Variants in CGAS observed in about 807,000 individuals in gnomAD.
CGAS encodes the protein cyclic GMP-AMP synthase.
A neutral mutation model predicts 34.0 loss-of-function variants in CGAS; 31 were observed. That is an observed-to-expected ratio of 0.91 (90% CI 0.69 to 1.23). The LOEUF (loss-of-function observed/expected upper bound fraction) is 1.23. Among genes scored for constraint, CGAS ranks in the 50% most tolerant of loss-of-function variants. CGAS has a pLI of 0.00. For missense variants in CGAS, 597 were observed against 657.6 expected (o/e 0.91, Z 1.01); for synonymous variants, 266 against 260.0 (o/e 1.02, Z -0.22).
chr6:73,451,213 C>T (rs1358211112), intron 1 of CGAS, among the ~76,000 whole-genome samples: 1 of 152,044 alleles, frequency 6.6e-6, no homozygotes, highest in Non-Finnish European at 1.5e-5. Flanking sequence ...AGGTCCACAC[C>T]ATCAAACACT....
intron 4 of CGAS, among the ~76,000 whole-genome samples, chr6:73,428,415 G>C (rs1430530893): frequency 3.3e-5 from 5 of 151,956 alleles, no homozygotes; most frequent in Non-Finnish European, 7.4e-5. Flanking sequence ...AATTGTCATG[G>C]CTAGTGCTCA....
rs754108240 is a variant in CGAS at position 73,452,068 on chromosome 6, C to T, written c.114G>A (p.Pro38=). 5.2e-6 allele frequency: 8 copies of T among 1,546,670 alleles called. No homozygotes were observed. The highest frequency in any genetic ancestry group is 1.2e-5 in the South Asian group (1 of 83,576). The change falls in exon 1 of 5, where the codon CCG becomes CCA. Residue 38 remains proline, a synonymous_variant. Transcript: ENST00000370315. The stretch of plus-strand genomic sequence containing the variant: ...TAGGCAGGGCGGCCTCGGGGGCAGC[C>T]GGAGACTCGGTGGGATCCATCGGGG... The part of the protein sequence containing the change: ...RGAPMDPTES[P]AAPEAALPKA...
chr6:73,451,817 C>CG lies in CGAS; in HGVS notation c.364dup (p.Arg122ProfsTer57). ...CGTGGAGCAGCGCGCGCCCCTCTGGCGGCAAGAACCAGCCCTGGAAAGAGC... is the reference window on the plus strand; with the variant it reads ...CGTGGAGCAGCGCGCGCCCCTCTGGCGGGCAAGAACCAGCCCTGGAAAGAGC... On this transcript the variant is annotated frameshift_variant, in exon 1 of 5. Transcript: ENST00000370315. LOFTEE classifies it high-confidence loss of function. 6.4e-7 allele frequency: 1 copy of CG among 1,556,918 alleles called. No homozygotes were observed. Among genetic ancestry groups the CG allele is most frequent in the Non-Finnish European group, 8.7e-7 (1 of 1,151,564 alleles).
chr6:73,435,013 A>C (rs1770258512), intron 3 of CGAS, among the ~76,000 whole-genome samples: 2 of 152,236 alleles, frequency 1.3e-5, no homozygotes, highest in East Asian at 1.9e-4. Flanking sequence ...GTATTGTATT[A>C]ATGTGAGATA....
intron 1 of CGAS, among the ~76,000 whole-genome samples, chr6:73,450,281 G>T (rs925269887): frequency 1.3e-5 from 2 of 151,890 alleles, no homozygotes; most frequent in Non-Finnish European, 2.9e-5. Flanking sequence ...CCAGGGTGGA[G>T]GCTCATGCTT....
chr6:73,442,151 G>C (rs1369416366), intron 2 of CGAS, among the ~76,000 whole-genome samples: 1 of 152,114 alleles, frequency 6.6e-6, no homozygotes, highest in African/African-American at 2.4e-5. Context: ...AGGGTTACAA[G>C]TGTGAGCCAC....
chr6:73,434,002 G>A (rs1015282531), intron 3 of CGAS, among the ~76,000 whole-genome samples: 2 of 152,114 alleles, frequency 1.3e-5, no homozygotes, highest in African/African-American at 2.4e-5. Context: ...GAATGTAAAG[G>A]GTCAAGACTC....
At position 73,441,064 on chromosome 6, in the gene CGAS, T is replaced by C. The variant is rs1340531456; in HGVS notation, c.878-619A>G. The stretch of plus-strand genomic sequence containing the variant: ...AATTTTCTTCTTTTCTTTTCTTTTC[T>C]TTTTTCTTTTTCTTTTTCTTTTTTT... On this transcript the variant is annotated intron_variant, in intron 2 of 4. Transcript: ENST00000370315. Among the ~76,000 whole-genome samples the C allele has an allele frequency of 4.0e-5, 6 of 151,508 alleles. 1 individual carries two copies. The highest frequency in any genetic ancestry group is 5.9e-5 in the Non-Finnish European group (4 of 67,930).
At chr6:73,440,137 T>A in intron 3 of CGAS, 72 bp downstream of exon 3, 1 of 1,365,478 alleles carries the variant, frequency 7.3e-7, no homozygotes, top group Non-Finnish European at 1.0e-6. Flanking sequence ...TGGCTGTTGA[T>A]CTTTTACTGC....
intron 2 of CGAS, among the ~76,000 whole-genome samples, chr6:73,441,933 T>A (rs1770387671): frequency 6.6e-6 from 1 of 152,020 alleles, no homozygotes; most frequent in Non-Finnish European, 1.5e-5. Context: ...AGTGCAGTGG[T>A]GTGATATCAG....
intron 3 of CGAS, among the ~76,000 whole-genome samples, chr6:73,437,403 T>C (rs1770297451): frequency 6.6e-6 from 1 of 152,274 alleles, no homozygotes; most frequent in Non-Finnish European, 1.5e-5. Flanking sequence ...AACAAGTTAA[T>C]TTACCTATGT....
At chr6:73,425,606 T>C in intron 4 of CGAS, 28 bp from the exon 5 acceptor site, 1 of 1,413,860 alleles carries the variant, frequency 7.1e-7, no homozygotes, top group African/African-American at 1.5e-5. Flanking sequence ...AAAACACTTA[T>C]TTTTACTTAT....
At chr6:73,442,523 C>T (rs1000039180) in intron 2 of CGAS, among the ~76,000 whole-genome samples, 6 of 151,642 alleles carry the variant, frequency 4.0e-5, no homozygotes, top group East Asian at 3.9e-4. Flanking sequence ...GCCTCAGCAT[C>T]GTATGTAGCT....
At position 73,425,129 on chromosome 6, in the gene CGAS, AGGTGTGAG is replaced by A; in HGVS notation, c.*90_*97del. On this transcript the variant is annotated 3_prime_UTR_variant, in exon 5 of 5. Transcript: ENST00000370315. ...TCGGCCTCCAAAGAGCTGGGATTAC[AGGTGTGAG>A]CCACAGCGTCTGGCCCCTTTTCAAA... The A allele has an allele frequency of 1.1e-6, 1 of 878,808 alleles. No homozygotes were observed. The highest frequency in any genetic ancestry group is 1.7e-6 in the Non-Finnish European group (1 of 591,252). 54.4% of individuals were successfully genotyped at this position (878,808 alleles called of 1,614,324 possible). A position where few individuals can be genotyped will look rare whatever the true frequency, so the allele number is the denominator to read the frequency against.
At chr6:73,444,471 G>C (rs1770436362) in intron 2 of CGAS, among the ~76,000 whole-genome samples, 1 of 151,562 alleles carries the variant, frequency 6.6e-6, no homozygotes, top group African/African-American at 2.4e-5. Context: ...ACCACACCCG[G>C]CTAATTTTTG....
At chr6:73,434,651 A>G (rs1347584381) in intron 3 of CGAS, among the ~76,000 whole-genome samples, 1 of 151,960 alleles carries the variant, frequency 6.6e-6, no homozygotes, top group African/African-American at 2.4e-5. Context: ...TGGATAAAGT[A>G]TATAATTTTT....
At chr6:73,438,694 CAAA>C (rs67479262) in intron 3 of CGAS, among the ~76,000 whole-genome samples, 2 of 116,826 alleles carry the variant, frequency 1.7e-5, no homozygotes, top group Admixed American at 9.5e-5. Context: ...GAATCCGTCT[CAAA>C]AAAAAAAAAA....
intron 3 of CGAS, among the ~76,000 whole-genome samples, chr6:73,433,401 G>T (rs1770224627): frequency 6.6e-6 from 1 of 151,462 alleles, no homozygotes; most frequent in East Asian, 1.9e-4. Context: ...AGCTACAAGT[G>T]CACACCACCA....
rs982845536 is a variant in CGAS at position 73,451,579 on chromosome 6, G to C, written c.603C>G (p.Ser201=). ...TCAGCAGCCCGACGCCTCTGAACGCGGAGTCGCACTTCAGTCTGAGCAGCA... is the reference window on the plus strand; with the variant it reads ...TCAGCAGCCCGACGCCTCTGAACGCCGAGTCGCACTTCAGTCTGAGCAGCA... ...DHLLLRLKCD[S]AFRGVGLLNT... Residue 201 remains serine, a synonymous_variant, in exon 1 of 5, where the codon TCC becomes TCG. Transcript: ENST00000370315. 1.9e-6 allele frequency: 3 copies of C among 1,611,988 alleles called. No homozygotes were observed. Among genetic ancestry groups the C allele is most frequent in the South Asian group, 1.1e-5 (1 of 90,728 alleles).
Sources: allele counts gnomAD v4.1 joint callset (sites outside exome capture counted in the v4.1 genomes callset), GRCh38; gene constraint gnomAD v4.1.1; transcripts MANE v1.5; gene names NCBI Gene and HGNC (gene_info 2026-07-23, HGNC 2026-07-21).